Variants in CENPP observed in about 807,000 individuals in gnomAD.
CENPP encodes the protein centromere protein P.
A neutral mutation model predicts 35.6 loss-of-function variants in CENPP; 24 were observed. The ratio of observed to expected loss-of-function variants is 0.67; its 90% CI spans 0.49 to 0.95. The LOEUF (loss-of-function observed/expected upper bound fraction) is 0.95. Among genes scored for constraint, CENPP ranks in the 40% least tolerant of loss-of-function variants. CENPP has a pLI of 0.00. For missense variants in CENPP, 332 were observed against 345.3 expected (o/e 0.96, Z 0.31); for synonymous variants, 120 against 125.5 (o/e 0.96, Z 0.29).
intron 5 of CENPP, among the ~76,000 whole-genome samples, chr9:92,552,504 C>G (rs370940548): frequency 1.2e-4 from 18 of 152,056 alleles, no homozygotes; most frequent in African/African-American, 4.1e-4. Context: ...ATGCCAACAT[C>G]TACTGTTTTT....
At chr9:92,412,799 T>C (rs1843480109) in intron 5 of CENPP, among the ~76,000 whole-genome samples, 1 of 152,180 alleles carries the variant, frequency 6.6e-6, no homozygotes, top group African/African-American at 2.4e-5. Flanking sequence ...CTGAATAATA[T>C]TCCATGAAAT....
chr9:92,532,018 T>TTTTTTTTTTTTTG (rs1848809504), intron 5 of CENPP, among the ~76,000 whole-genome samples: 1 of 126,496 alleles, frequency 7.9e-6, no homozygotes, highest in South Asian at 2.3e-4. Context: ...ATTTAATGTT[T>TTTTTTTTTTTTTG]TTTTTTTTTT....
chr9:92,556,255 T>G (rs1277107490), intron 5 of CENPP, among the ~76,000 whole-genome samples: 3 of 152,208 alleles, frequency 2.0e-5, no homozygotes, highest in Admixed American at 2.0e-4. Flanking sequence ...GAGAGAGTGT[T>G]GGATATAATT....
At chr9:92,451,467 G>A (rs1448185817) in intron 5 of CENPP, among the ~76,000 whole-genome samples, 1 of 149,734 alleles carries the variant, frequency 6.7e-6, no homozygotes, top group African/African-American at 2.4e-5. Context: ...TCTCTGTTTT[G>A]GTACCAGTAC....
In CENPP at chr9:92,619,250, C is replaced by A; in HGVS notation, c.*6101C>A. ...TATTTTCTTAGAAAACAGTAACTTT[C>A]AATGTACTAACAATCCTTTTAAGTT... On this transcript the variant is annotated 3_prime_UTR_variant, in exon 8 of 8. Transcript: ENST00000375587. 4.0e-6 allele frequency: 2 copies of A among 500,022 alleles called. No individual in the cohort carries two copies. The highest frequency in any genetic ancestry group is 7.2e-6 in the Non-Finnish European group (2 of 276,858). 31.0% of individuals were successfully genotyped at this position (500,022 alleles called of 1,614,324 possible).
chr9:92,338,498 C>A (rs1307908043), intron 3 of CENPP, among the ~76,000 whole-genome samples: 2 of 152,110 alleles, frequency 1.3e-5, no homozygotes, highest in African/African-American at 2.4e-5. Context: ...ACTTCCAATA[C>A]CCAATACAAT....
chr9:92,463,075 A>G (rs1845176403), intron 5 of CENPP, among the ~76,000 whole-genome samples: 1 of 152,228 alleles, frequency 6.6e-6, no homozygotes, highest in South Asian at 2.1e-4. Context: ...GCAGAAGCTC[A>G]GTAACTGCTG....
At chr9:92,429,816 TC>T (rs1844060404) in intron 5 of CENPP, among the ~76,000 whole-genome samples, 2 of 152,004 alleles carry the variant, frequency 1.3e-5, no homozygotes, top group African/African-American at 4.8e-5. Flanking sequence ...ATCATCATCA[TC>T]ATCATCTTGT....
At chr9:92,391,456 A>C (rs1292632299) in intron 5 of CENPP, among the ~76,000 whole-genome samples, 1 of 151,800 alleles carries the variant, frequency 6.6e-6, no homozygotes, top group Non-Finnish European at 1.5e-5. Context: ...ACAAGTAACC[A>C]GGTGTGGTGG....
At chr9:92,397,072 G>A (rs1016053950) in intron 5 of CENPP, among the ~76,000 whole-genome samples, 1 of 151,830 alleles carries the variant, frequency 6.6e-6, no homozygotes, top group African/African-American at 2.4e-5. Flanking sequence ...AGCTACTTGG[G>A]AGGCTGAGGC....
chr9:92,455,093 A>G (rs1844835310), intron 5 of CENPP, among the ~76,000 whole-genome samples: 1 of 152,200 alleles, frequency 6.6e-6, no homozygotes, highest in South Asian at 2.1e-4. Context: ...GTTGTTTGTC[A>G]AAACTATAGA....
intron 5 of CENPP, among the ~76,000 whole-genome samples, chr9:92,452,459 A>G (rs1844740797): frequency 6.6e-6 from 1 of 152,188 alleles, no homozygotes; most frequent in Admixed American, 6.5e-5. Flanking sequence ...CCACTTGATC[A>G]TGGTAGATAA....
chr9:92,463,597 G>A (rs1845195007), intron 5 of CENPP, among the ~76,000 whole-genome samples: 2 of 152,148 alleles, frequency 1.3e-5, no homozygotes, highest in Non-Finnish European at 2.9e-5. Flanking sequence ...CAGCCCTGTA[G>A]GCTGTCCTCC....
At chr9:92,510,124 A>C in intron 5 of CENPP, 1 of 1,427,048 alleles carries the variant, frequency 7.0e-7, no homozygotes, top group South Asian at 1.4e-5. Flanking sequence ...AAGTCTCACA[A>C]ACCTATCCTT....
intron 5 of CENPP, chr9:92,457,318 C>T (rs1844911803): frequency 6.2e-7 from 1 of 1,613,986 alleles, no homozygotes; most frequent in South Asian, 1.1e-5. Context: ...GCTGAACGCT[C>T]ATTCTGCTCA....
rs540478402 is a variant in CENPP at position 92,595,879 on chromosome 9, A to T, written c.565-15435A>T. On this transcript the variant is annotated intron_variant, in intron 5 of 7. Coordinates refer to ENST00000375587, the MANE Select transcript of CENPP (RefSeq NM_001012267.3). Reference sequence around the variant, plus strand: ...ACCCAGCCTATTTCCTTCCATTTTTAAAAAACTGAAAGCATTTAACGTAAG... The same window carrying T: ...ACCCAGCCTATTTCCTTCCATTTTTTAAAAACTGAAAGCATTTAACGTAAG... Among the ~76,000 whole-genome samples, 292 of 152,268 alleles carry T rather than the reference A, an allele frequency of 1.9e-3. 2 individuals carry two copies. Among genetic ancestry groups the T allele is most frequent in the Middle Eastern group, 0.017 (5 of 294 alleles).
chr9:92,428,366 G>A (rs1242963341), intron 5 of CENPP, among the ~76,000 whole-genome samples: 1 of 152,032 alleles, frequency 6.6e-6, no homozygotes, highest in Non-Finnish European at 1.5e-5. Context: ...AAAAATTCAG[G>A]TTCCAGCATC....
At chr9:92,393,334 T>G in intron 5 of CENPP, 1 of 996,570 alleles carries the variant, frequency 1.0e-6, no homozygotes, top group Non-Finnish European at 1.5e-6. Flanking sequence ...ATGAATGCTA[T>G]TACTAATTTG....
intron 5 of CENPP, among the ~76,000 whole-genome samples, chr9:92,400,275 GA>G (rs1400941450): frequency 3.9e-5 from 6 of 151,904 alleles, no homozygotes; most frequent in Admixed American, 2.0e-4. Context: ...TCAGCTTCCC[GA>G]GTAGCTGGGA....
Sources: allele counts gnomAD v4.1 joint callset (sites outside exome capture counted in the v4.1 genomes callset), GRCh38; gene constraint gnomAD v4.1.1; transcripts MANE v1.5; gene names NCBI Gene and HGNC (gene_info 2026-07-23, HGNC 2026-07-21).